The following ALX1 variants were observed in gnomAD, a reference collection of about 807,000 sequenced individuals.
ALX1 encodes ALX homeobox protein 1.
ALX1 carries 19 observed loss-of-function variants against 31.7 expected under a neutral mutation model. The observed-to-expected ratio is 0.60, with a 90% CI of 0.42 to 0.88. The LOEUF is 0.88. ALX1 is among the 40% of genes least tolerant of loss of function. ALX1 has a pLI of 0.00. For synonymous variants in ALX1, 153 were observed against 148.8 expected (o/e 1.03, Z -0.20); for missense variants, 415 against 407.8 (o/e 1.02, Z -0.15).
intron 3 of ALX1, among the ~76,000 whole-genome samples, chr12:85,298,170 A>G (rs1388318449): frequency 6.6e-6 from 1 of 151,706 alleles, no homozygotes; most frequent in African/African-American, 2.4e-5. Flanking sequence ...TCATTATTAC[A>G]GCATTTCTAA....
At chr12:85,299,416 T>C (rs942120595) in intron 3 of ALX1, among the ~76,000 whole-genome samples, 6 of 151,592 alleles carry the variant, frequency 4.0e-5, no homozygotes, top group Admixed American at 2.6e-4. Context: ...GAACATAGCC[T>C]GAGACAATTT....
chr12:85,284,246 C>G (rs920865005), intron 2 of ALX1, among the ~76,000 whole-genome samples: 24 of 146,638 alleles, frequency 1.6e-4, no homozygotes. Context: ...GTTTTATTAG[C>G]CACTAAGGTT....
intron 3 of ALX1, among the ~76,000 whole-genome samples, chr12:85,296,200 A>G (rs905074672): frequency 1.3e-5 from 2 of 151,602 alleles, no homozygotes; most frequent in African/African-American, 2.4e-5. Context: ...ATATATTCAT[A>G]TCAAGGTTCT....
At chr12:85,290,664 A>G (rs1896806465) in intron 3 of ALX1, among the ~76,000 whole-genome samples, 1 of 151,164 alleles carries the variant, frequency 6.6e-6, no homozygotes. Flanking sequence ...TTGGCTCAAG[A>G]TATCAGTTGC....
In ALX1 at chr12:85,287,878, A is replaced by G. The variant is rs1277880561; in HGVS notation, c.660+897A>G. Among the ~76,000 whole-genome samples the G allele has an allele frequency of 2.6e-5, 4 of 151,640 alleles. No homozygotes were observed. In the East Asian group the frequency reaches 7.7e-4, roughly 29 times the overall value. ...TTATAAGAGACCCATGTGAAAACACATATGAAACATATATGCTGGAGAAAT... is the reference window on the plus strand; with the variant it reads ...TTATAAGAGACCCATGTGAAAACACGTATGAAACATATATGCTGGAGAAAT... On this transcript the variant is annotated intron_variant, in intron 3 of 3. Transcript: ENST00000316824.
intron 3 of ALX1, among the ~76,000 whole-genome samples, chr12:85,294,524 G>C (rs1382193496): frequency 1.3e-5 from 2 of 151,016 alleles, no homozygotes; most frequent in Non-Finnish European, 3.0e-5. Context: ...TAGAATTTAA[G>C]AATACAGTCA....
rs1205596156 is a variant in ALX1, at chr12:85,280,296, G to T, written c.35G>T (p.Ser12Ile). The change falls in exon 1 of 4, where the codon AGC becomes ATC. Residue 12 changes from serine to isoleucine, a missense_variant. Ser to Ile is a moderately radical substitution (Grantham distance 142). Coordinates refer to ENST00000316824, the MANE Select transcript of ALX1 (RefSeq NM_006982.3). ...CTGAGCGAGAAGTTTGCCCTCAAGAGCCCTCCGAGTAAAAACAGTGACTTT... is the reference window on the plus strand; with the variant it reads ...CTGAGCGAGAAGTTTGCCCTCAAGATCCCTCCGAGTAAAAACAGTGACTTT... ...EFLSEKFALKSPPSKNSDFYM... is the reference protein window; with the variant it reads ...EFLSEKFALKIPPSKNSDFYM... 1 of 1,613,482 alleles carries T rather than the reference G, an allele frequency of 6.2e-7. No homozygotes were observed. The highest frequency in any genetic ancestry group is 8.5e-7 in the Non-Finnish European group (1 of 1,180,026).
chr12:85,299,431 A>T lies in ALX1; in HGVS notation c.661-1724A>T, dbSNP rs569616111. Among the ~76,000 whole-genome samples, 8 of 151,728 alleles carry T rather than the reference A, an allele frequency of 5.3e-5. No individual in the cohort carries two copies. The South Asian group carries it at 1.5e-3, about 28-fold the overall frequency. On this transcript the variant is annotated intron_variant, in intron 3 of 3. Transcript: ENST00000316824. ...GAACATAGCCTGAGACAATTTAAGG[A>T]TTAACAAAATATGCAAATCATATAT...
chr12:85,283,540 G>A (rs1896707276), intron 1 of ALX1, 32 bp from the exon 2 acceptor site: 1 of 1,609,498 alleles, frequency 6.2e-7, no homozygotes, highest in East Asian at 2.2e-5. Flanking sequence ...TCACAATCCT[G>A]AGAACTGTTG....
chr12:85,285,370 A>T (rs1346946460), intron 2 of ALX1, among the ~76,000 whole-genome samples: 5 of 151,938 alleles, frequency 3.3e-5, no homozygotes, highest in Non-Finnish European at 7.4e-5. Context: ...GGAAAAAAAA[A>T]TAAAACCCAA....
intron 3 of ALX1, among the ~76,000 whole-genome samples, chr12:85,295,502 G>A (rs1056296210): frequency 6.6e-6 from 1 of 151,452 alleles, no homozygotes; most frequent in Non-Finnish European, 1.5e-5. Flanking sequence ...CATTTATATA[G>A]TATTAAATGA....
intron 3 of ALX1, among the ~76,000 whole-genome samples, chr12:85,294,419 T>C (rs1014951291): frequency 1.3e-5 from 2 of 151,144 alleles, no homozygotes; most frequent in African/African-American, 2.4e-5. Context: ...GGTGTTACCA[T>C]TTTATTTCTT....
At chr12:85,300,865 T>C (rs1029495815) in intron 3 of ALX1, among the ~76,000 whole-genome samples, 23 of 152,152 alleles carry the variant, frequency 1.5e-4, no homozygotes, top group African/African-American at 5.5e-4. Flanking sequence ...TCTTCCAGAT[T>C]CATTTTTAAA....
intron 3 of ALX1, among the ~76,000 whole-genome samples, chr12:85,296,956 T>A (rs1896897754): frequency 6.6e-6 from 1 of 151,736 alleles, no homozygotes; most frequent in Non-Finnish European, 1.5e-5. Context: ...CCAATATAAT[T>A]TTTCCTTTAA....
rs1264371227 is a variant in ALX1 at position 85,286,733 on chromosome 12, C to T, written c.532-120C>T. ...TGTGGATCCTTTTCTAACATAAATACATTTCTTTTTACGTAATTTTTTTAA... is the reference window on the plus strand; with the variant it reads ...TGTGGATCCTTTTCTAACATAAATATATTTCTTTTTACGTAATTTTTTTAA... On this transcript the variant is annotated intron_variant, in intron 2 of 3. Transcript: ENST00000316824. The T allele has an allele frequency of 3.2e-6, 3 of 936,514 alleles. No individual in the cohort carries two copies. The African/African-American group carries it at 5.9e-5, about 19-fold the overall frequency. The allele number at this position is 936,514 out of a possible 1,614,324, so 58.0% of individuals were successfully genotyped here.
chr12:85,281,655 A>T (rs1896674939), intron 1 of ALX1, among the ~76,000 whole-genome samples: 1 of 152,200 alleles, frequency 6.6e-6, no homozygotes, highest in African/African-American at 2.4e-5. Context: ...CTAAGGGTAA[A>T]TCAAAAATAA....
Position 85,301,160 on chromosome 12 carries a change from G to A in ALX1, c.666G>A (p.Gln222=), listed in dbSNP as rs746006742. Residue 222 remains glutamine, a synonymous_variant, in exon 4 of 4, where the codon CAG becomes CAA. Coordinates refer to ENST00000316824, the MANE Select transcript of ALX1 (RefSeq NM_006982.3). The part of the protein sequence containing the change: ...LPRTDSYPQI[Q]NNLWAGNASG... ...TGTTGTTTTATATATTCCAGATTCA[G>A]AACAATTTGTGGGCAGGAAATGCAA... 2 of 1,613,948 alleles carry A rather than the reference G, an allele frequency of 1.2e-6. No homozygotes were observed. Among genetic ancestry groups the A allele is most frequent in the Admixed American group, 3.3e-5 (2 of 59,990 alleles).
chr12:85,294,130 A>T (rs1896854347), intron 3 of ALX1, among the ~76,000 whole-genome samples: 1 of 151,204 alleles, frequency 6.6e-6, no homozygotes, highest in Non-Finnish European at 1.5e-5. Context: ...CTAAAATTAA[A>T]AATTTTCTGT....
chr12:85,281,445 G>A (rs1245646098), intron 1 of ALX1, among the ~76,000 whole-genome samples: 1 of 152,116 alleles, frequency 6.6e-6, no homozygotes, highest in Non-Finnish European at 1.5e-5. Context: ...GCTATAAGGG[G>A]CGGGTTGCTT....
Sources: allele counts gnomAD v4.1 joint callset (sites outside exome capture counted in the v4.1 genomes callset), GRCh38; gene constraint gnomAD v4.1.1; transcripts MANE v1.5; gene names NCBI Gene and HGNC (gene_info 2026-07-23, HGNC 2026-07-21).